The following GAB2 variants were observed in gnomAD, a reference collection of about 807,000 sequenced individuals.
The protein encoded by GAB2 is GRB2-associated-binding protein 2.
In GAB2, 26 loss-of-function variants were observed where a neutral mutation model predicts 65.5. The ratio of observed to expected loss-of-function variants is 0.40; its 90% CI spans 0.29 to 0.55. GAB2 has a LOEUF of 0.55. Among genes scored for constraint, GAB2 ranks in the 20% least tolerant of loss-of-function variants. The pLI, the probability that GAB2 is intolerant of heterozygous loss-of-function variation, is 0.53. For missense variants in GAB2, 884 were observed against 875.8 expected, an observed-to-expected ratio of 1.01 and a Z score of -0.12; for synonymous variants, 321 against 329.6, an observed-to-expected ratio of 0.97 and a Z score of 0.28.
intron 2 of GAB2, among the ~76,000 whole-genome samples, chr11:78,267,802 G>A (rs1410970227): frequency 1.5e-5 from 2 of 136,226 alleles, no homozygotes; most frequent in East Asian, 4.6e-4. Context: ...AGTTTGCAGT[G>A]AGCCAACATC....
At chr11:78,351,044 G>T (rs1251463732) in intron 1 of GAB2, among the ~76,000 whole-genome samples, 2 of 152,130 alleles carry the variant, frequency 1.3e-5, no homozygotes, top group African/African-American at 4.8e-5. Context: ...CAGGACTTTT[G>T]CTGCAAACAA....
chr11:78,230,623 T>C lies in GAB2; in HGVS notation c.621-3572A>G, dbSNP rs554783926. On this transcript the variant is annotated intron_variant, in intron 3 of 9. Coordinates refer to ENST00000361507, the MANE Select transcript of GAB2 (RefSeq NM_080491.3). Reference sequence around the variant, plus strand: ...CTAGAAGGCAGAGGGCCATATCCTGTACCCTGGCATAGTGCCAGGCATATG... The same window carrying C: ...CTAGAAGGCAGAGGGCCATATCCTGCACCCTGGCATAGTGCCAGGCATATG... 1.1e-4 allele frequency among the ~76,000 whole-genome samples: 16 copies of C among 152,364 alleles called. No homozygotes were observed. The South Asian group carries it at 1.7e-3, about 16-fold the overall frequency.
chr11:78,305,402 A>C (rs1344539487), intron 1 of GAB2, among the ~76,000 whole-genome samples: 1 of 152,188 alleles, frequency 6.6e-6, no homozygotes, highest in Non-Finnish European at 1.5e-5. Context: ...TACAGAATGG[A>C]GATCAGGGCT....
At chr11:78,332,973 G>A (rs1319265508) in intron 1 of GAB2, among the ~76,000 whole-genome samples, 2 of 152,098 alleles carry the variant, frequency 1.3e-5, no homozygotes, top group African/African-American at 4.8e-5. Flanking sequence ...CCCAACACTG[G>A]TGTATCCCCT....
rs768421699 is a variant in GAB2, at chr11:78,396,524, T to C, written c.75+21122A>G. On this transcript the variant is annotated intron_variant, in intron 1 of 9. Coordinates refer to ENST00000361507, the MANE Select transcript of GAB2 (RefSeq NM_080491.3). ...CCAGTACAAATATATGTTTAAAGTG[T>C]CCTTATTACACATGCTTGAGAAACT... 1.1e-3 allele frequency among the ~76,000 whole-genome samples: 165 copies of C among 152,336 alleles called. 1 individual carries two copies. The highest frequency in any genetic ancestry group is 2.1e-3 in the Non-Finnish European group (146 of 68,032).
At chr11:78,369,315 T>C (rs1284350438) in intron 1 of GAB2, among the ~76,000 whole-genome samples, 18 of 152,190 alleles carry the variant, frequency 1.2e-4, no homozygotes, top group Non-Finnish European at 1.5e-5. Context: ...GTTTACAGTG[T>C]ATATAAACTT....
intron 1 of GAB2, among the ~76,000 whole-genome samples, chr11:78,290,001 T>C (rs192730649): frequency 1.1e-4 from 17 of 152,112 alleles, no homozygotes; most frequent in African/African-American, 4.1e-4. Context: ...AGAAGTTTCA[T>C]CTTTCCTTTA....
rs75797523 is a variant in GAB2, at chr11:78,313,729, G to T, written c.76-32828C>A. ...CAAATAACAACAAAAGCCTCTAGGT[G>T]CAAATTACCACATATAATAAACTTA... On this transcript the variant is annotated intron_variant, in intron 1 of 9. Transcript: ENST00000361507. 5.2e-3 allele frequency among the ~76,000 whole-genome samples: 790 copies of T among 152,306 alleles called. 4 individuals are homozygous for T. The highest frequency in any genetic ancestry group is 0.018 in the African/African-American group (741 of 41,568).
At chr11:78,347,140 GTATAAGACTCCT>G (rs1198688888) in intron 1 of GAB2, among the ~76,000 whole-genome samples, 1 of 152,122 alleles carries the variant, frequency 6.6e-6, no homozygotes, top group Non-Finnish European at 1.5e-5. Context: ...GAAGAGCTCA[GTATAAGACTCCT>G]TATCAAGAGG....
chr11:78,238,206 C>CAAAAAAAA (rs10541492), intron 3 of GAB2, among the ~76,000 whole-genome samples: 37 of 104,754 alleles, frequency 3.5e-4, no homozygotes, highest in African/African-American at 3.9e-4. Context: ...AGGGAAGAAA[C>CAAAAAAAA]AAAAAAAAAA....
At chr11:78,354,938 G>T (rs376961523) in intron 1 of GAB2, among the ~76,000 whole-genome samples, 1 of 152,294 alleles carries the variant, frequency 6.6e-6, no homozygotes, top group Non-Finnish European at 1.5e-5. Context: ...ACAGCCTGGC[G>T]GCTCCCCAGT....
intron 1 of GAB2, among the ~76,000 whole-genome samples, chr11:78,282,612 A>G (rs1866366617): frequency 6.6e-6 from 1 of 152,040 alleles, no homozygotes; most frequent in Non-Finnish European, 1.5e-5. Flanking sequence ...TACGCCCGGC[A>G]CTGTGTGATT....
At chr11:78,351,083 G>A (rs986611635) in intron 1 of GAB2, among the ~76,000 whole-genome samples, 5 of 152,104 alleles carry the variant, frequency 3.3e-5, no homozygotes, top group Non-Finnish European at 7.3e-5. Context: ...TGTTGACCGA[G>A]GCAACTGTCA....
chr11:78,246,788 C>T (rs763165337), intron 3 of GAB2, among the ~76,000 whole-genome samples: 11 of 152,262 alleles, frequency 7.2e-5, no homozygotes, highest in Non-Finnish European at 8.8e-5. Context: ...CGTGAGCCAC[C>T]GCACCCGGCC....
At chr11:78,235,751 G>C (rs1864962552) in intron 3 of GAB2, among the ~76,000 whole-genome samples, 1 of 152,124 alleles carries the variant, frequency 6.6e-6, no homozygotes, top group Admixed American at 6.6e-5. Flanking sequence ...GGACCTTATT[G>C]TCCATATCGC....
intron 9 of GAB2, among the ~76,000 whole-genome samples, chr11:78,219,943 C>T (rs1590935255): frequency 6.6e-6 from 1 of 152,228 alleles, no homozygotes; most frequent in South Asian, 2.1e-4. Flanking sequence ...GCTGATGTAT[C>T]GACGGCAGGG....
chr11:78,411,374 A>C (rs1263416995), intron 1 of GAB2, among the ~76,000 whole-genome samples: 1 of 152,180 alleles, frequency 6.6e-6, no homozygotes, highest in East Asian at 1.9e-4. Flanking sequence ...TTGTATTGAA[A>C]GGTAAAGATA....
intron 3 of GAB2, among the ~76,000 whole-genome samples, chr11:78,230,230 C>T (rs1490697298): frequency 6.6e-6 from 1 of 152,240 alleles, no homozygotes; most frequent in Non-Finnish European, 1.5e-5. Context: ...AGATCAAAGC[C>T]CTTCCTCTGT....
At chr11:78,415,768 A>G (rs952405500) in intron 1 of GAB2, among the ~76,000 whole-genome samples, 4 of 152,234 alleles carry the variant, frequency 2.6e-5, no homozygotes, top group Non-Finnish European at 5.9e-5. Context: ...ATTTTGAACT[A>G]AAGTTGTTTG....
Sources: gnomAD v4.1 joint callset for allele counts (sites outside exome capture counted in the v4.1 genomes callset) on GRCh38, gnomAD v4.1.1 for gene constraint, MANE v1.5 for transcripts, NCBI Gene and HGNC (gene_info 2026-07-23, HGNC 2026-07-21) for gene names.